Variants in EPS15L1 observed in about 807,000 individuals in gnomAD.
EPS15L1 encodes epidermal growth factor receptor pathway substrate 15 like 1.
Under a neutral mutation model 117.1 loss-of-function variants are expected in EPS15L1, and 43 were observed. That is an observed-to-expected ratio of 0.37 (90% CI 0.29 to 0.47). The LOEUF (loss-of-function observed/expected upper bound fraction) is 0.47. EPS15L1 is among the 20% of genes least tolerant of loss of function. EPS15L1 has a pLI of 0.99. For missense variants in EPS15L1, 981 were observed against 1,164.0 expected (o/e 0.84, Z 2.29); for synonymous variants, 459 against 470.5 (o/e 0.98, Z 0.32).
At position 16,395,442 on chromosome 19, in the gene EPS15L1, A is replaced by C. The variant is rs1405469575; in HGVS notation, c.1817T>G (p.Leu606Trp). Residue 606 changes from leucine (L) to tryptophan (W), a missense_variant, in exon 17 of 24, where the codon TTG becomes TGG. Around this residue, in one of 5 missense-constraint regions of EPS15L1, gnomAD observed 819 missense variants for 949.0 expected, o/e 0.86. Coordinates refer to ENST00000455140, the MANE Select transcript of EPS15L1 (RefSeq NM_001258374.3). ...AMDDPFKNKALLFSNNTQELH... is the reference protein window; with the variant it reads ...AMDDPFKNKAWLFSNNTQELH... ...CTCTTGCGTGTTGTTGCTAAATAAC[A>C]AGGCTTTATTTTTGAAAGGATCATC... 6 of 1,613,672 alleles carry C rather than the reference A, an allele frequency of 3.7e-6. No individual in the cohort carries two copies. The highest frequency in any genetic ancestry group is 5.1e-6 in the Non-Finnish European group (6 of 1,179,712).
intron 13 of EPS15L1, among the ~76,000 whole-genome samples, chr19:16,410,675 C>T (rs1023366531): frequency 2.0e-5 from 3 of 152,040 alleles, no homozygotes; most frequent in South Asian, 2.1e-4. Flanking sequence ...TCTGGGAGGC[C>T]GAGGCAGGCA....
intron 13 of EPS15L1, among the ~76,000 whole-genome samples, chr19:16,408,733 T>C (rs2092680506): frequency 1.3e-5 from 2 of 151,384 alleles, no homozygotes; most frequent in South Asian, 4.2e-4. Context: ...AAGAAAAAGA[T>C]GGAGGATGCC....
chr19:16,463,463 A>G (rs2093272586), intron 1 of EPS15L1, among the ~76,000 whole-genome samples: 1 of 152,122 alleles, frequency 6.6e-6, no homozygotes, highest in Non-Finnish European at 1.5e-5. Context: ...TATCACAGAG[A>G]CTGTCTCGGA....
intron 10 of EPS15L1, 46 bp from the exon 11 acceptor site, chr19:16,418,150 T>C (rs1264618216): frequency 1.3e-6 from 2 of 1,572,596 alleles, no homozygotes; most frequent in Non-Finnish European, 1.7e-6. Context: ...AGGCGCCGAC[T>C]CAGCCTGAAC....
At chr19:16,406,476 G>A (rs764589731) in intron 13 of EPS15L1, among the ~76,000 whole-genome samples, 17 of 152,222 alleles carry the variant, frequency 1.1e-4, no homozygotes, top group Non-Finnish European at 1.5e-5. Context: ...AGAGCCTGAG[G>A]TAGCCCAATG....
intron 16 of EPS15L1, chr19:16,401,994 A>G: frequency 9.2e-6 from 10 of 1,088,072 alleles, no homozygotes; most frequent in Non-Finnish European, 1.0e-5. Context: ...AACTGATCCA[A>G]TTTTGGTTAA....
intron 22 of EPS15L1, 31 bp downstream of exon 22, chr19:16,377,091 C>T (rs780662847): frequency 1.8e-5 from 28 of 1,573,342 alleles, no homozygotes; most frequent in Admixed American, 1.2e-4. Flanking sequence ...CACCGGTAGG[C>T]GGTGGCTGCG....
chr19:16,471,772 G>GGCCCCCCC lies in EPS15L1; in HGVS notation c.33+140_33+141insGGGGGGGC. ...CGGCCTGTCACCTTCAGGGCCGCCTGCCCACCCGCCCGCCGCAAGCCCTTC... is the reference window on the plus strand; with the variant it reads ...CGGCCTGTCACCTTCAGGGCCGCCTGGCCCCCCCCCCACCCGCCCGCCGCAAGCCCTTC... On this transcript the variant is annotated intron_variant, in intron 1 of 23. Coordinates refer to ENST00000455140, the MANE Select transcript of EPS15L1 (RefSeq NM_001258374.3). This position sits in a 1 kb window ranked among gnomAD's most constrained non-coding sequence, Gnocchi z 4.8. 3.4e-6 allele frequency: 1 copy of GGCCCCCCC among 297,736 alleles called. No homozygotes were observed. The highest frequency in any genetic ancestry group is 5.8e-6 in the Non-Finnish European group (1 of 171,314). The allele number at this position is 297,736 out of a possible 1,614,324, so 18.4% of individuals were successfully genotyped here.
At chr19:16,447,140 G>A (rs2093091458) in intron 1 of EPS15L1, among the ~76,000 whole-genome samples, 1 of 152,262 alleles carries the variant, frequency 6.6e-6, no homozygotes, top group East Asian at 1.9e-4. Flanking sequence ...CTGCGGGTGA[G>A]ATAACCTGGC....
intron 22 of EPS15L1, among the ~76,000 whole-genome samples, chr19:16,374,508 A>G (rs1333601215): frequency 6.6e-6 from 1 of 152,100 alleles, no homozygotes; most frequent in Non-Finnish European, 1.5e-5. Context: ...TTTAACAAGC[A>G]TTCTTTTCTG....
chr19:16,404,651 C>T lies in EPS15L1; in HGVS notation c.1365G>A (p.Gln455=). ...AQDRLDEMDQ[Q]KAKLRDMLSD... is the part of the protein sequence containing the mutation. The stretch of plus-strand genomic sequence containing the variant: ...TCAGCATGTCTCGGAGCTTGGCCTT[C>T]TGCTGGTCCATCTCGTCCAGGCGGT... Residue 455 remains glutamine, a synonymous_variant, in exon 14 of 24, where the codon CAG becomes CAA. Coordinates refer to ENST00000455140, the MANE Select transcript of EPS15L1 (RefSeq NM_001258374.3). The surrounding 1 kb of genome is among the most constrained non-coding windows in gnomAD (Gnocchi z 4.2). The T allele has an allele frequency of 2.5e-6, 4 of 1,614,224 alleles. No homozygotes were observed. The highest frequency in any genetic ancestry group is 3.4e-6 in the Non-Finnish European group (4 of 1,180,042).
At chr19:16,417,502 A>C in intron 12 of EPS15L1, 50 bp downstream of exon 12, 3 of 1,454,662 alleles carry the variant, frequency 2.1e-6, no homozygotes, top group Non-Finnish European at 1.9e-6. Flanking sequence ...ACAACCTGGG[A>C]GAGTTCGTGT....
In EPS15L1 at chr19:16,386,175, T is replaced by C. The variant is rs758988763; in HGVS notation, c.2160A>G (p.Gly720=). 12 of 1,610,894 alleles carry C rather than the reference T, an allele frequency of 7.4e-6. No individual in the cohort carries two copies. Among genetic ancestry groups the C allele is most frequent in the Non-Finnish European group, 9.3e-6 (11 of 1,177,490 alleles). Reference sequence around the variant, plus strand: ...AAAATAAGTCATGGGTCTCACCTGATCCTTTTGAGGAGACACTGGAGGATG... The same window carrying C: ...AAAATAAGTCATGGGTCTCACCTGACCCTTTTGAGGAGACACTGGAGGATG... ...PFSSSSVSSK[G]SDPFGTLDPF... is the part of the protein sequence containing the mutation. Residue 720 remains glycine (G), a synonymous_variant, in exon 20 of 24, where the codon GGA becomes GGG. Coordinates refer to ENST00000455140, the MANE Select transcript of EPS15L1 (RefSeq NM_001258374.3).
chr19:16,455,084 A>G (rs1298683110), intron 1 of EPS15L1, among the ~76,000 whole-genome samples: 1 of 151,974 alleles, frequency 6.6e-6, no homozygotes, highest in Admixed American at 6.6e-5. Flanking sequence ...AGCCAGGATC[A>G]CATCATTGCA....
chr19:16,363,707 A>G (rs2092092981), intron 22 of EPS15L1, among the ~76,000 whole-genome samples: 1 of 152,164 alleles, frequency 6.6e-6, no homozygotes, highest in Non-Finnish European at 1.5e-5. Context: ...GGGGTCCAGG[A>G]GTCTCCTCCC....
intron 22 of EPS15L1, among the ~76,000 whole-genome samples, chr19:16,367,522 A>C (rs996182816): frequency 9.4e-5 from 14 of 149,474 alleles, no homozygotes; most frequent in African/African-American, 3.2e-4. Flanking sequence ...AAAAAAAAAA[A>C]AAAACTTGGT....
chr19:16,382,624 T>G (rs1417716991), intron 21 of EPS15L1, among the ~76,000 whole-genome samples: 5 of 146,736 alleles, frequency 3.4e-5, no homozygotes, highest in Non-Finnish European at 7.6e-5. Context: ...ACAGATGGCT[T>G]TTTTTTTTTT....
At chr19:16,378,137 C>T (rs1018752964) in intron 21 of EPS15L1, among the ~76,000 whole-genome samples, 1 of 151,466 alleles carries the variant, frequency 6.6e-6, no homozygotes, top group African/African-American at 2.4e-5. Context: ...GATGGATGGG[C>T]AGGTAGAGAC....
chr19:16,428,710 A>C lies in EPS15L1; in HGVS notation c.550T>G (p.Phe184Val), dbSNP rs752118427. The C allele has an allele frequency of 6.2e-7, 1 of 1,611,430 alleles. No homozygotes were observed. Among genetic ancestry groups the C allele is most frequent in the African/African-American group, 1.3e-5 (1 of 74,882 alleles). Residue 184 changes from phenylalanine (F) to valine (V), a missense_variant, in exon 8 of 24, where the codon TTC becomes GTC. Physicochemically the swap from Phe to Val is conservative, Grantham distance 50. Coordinates refer to ENST00000455140, the MANE Select transcript of EPS15L1 (RefSeq NM_001258374.3). ...GAAACAGCAGGACTTACCACAGCGA[A>C]CTCATCTCGATCCAAGTGCCCATCC... is the stretch of plus-strand genomic sequence containing the variant. Reference protein sequence around the residue: ...DKDGHLDRDEFAVAMHLVYRA... With the variant: ...DKDGHLDRDEVAVAMHLVYRA...
Sources: gnomAD v4.1 joint callset for allele counts (sites outside exome capture counted in the v4.1 genomes callset) on GRCh38, gnomAD v4.1.1 for gene constraint, gnomAD v4.1.1 regional missense constraint, Gnocchi (gnomAD v3.1) non-coding constraint, MANE v1.5 for transcripts, NCBI Gene and HGNC (gene_info 2026-07-23, HGNC 2026-07-21) for gene names.